SEMA5A: variants seen among roughly 807,000 people sequenced by gnomAD.
The protein encoded by SEMA5A is semaphorin 5A.
In SEMA5A, 55 loss-of-function variants were observed where a neutral mutation model predicts 135.5. The observed-to-expected ratio is 0.41, with a 90% CI of 0.33 to 0.51. SEMA5A has a LOEUF of 0.51. Among genes scored for constraint, SEMA5A ranks in the 20% least tolerant of loss-of-function variants. The probability of loss-of-function intolerance (pLI) is 0.37; values close to 1 mark genes in which losing one functional copy is unlikely to be tolerated. For synonymous variants in SEMA5A, 580 were observed against 546.5 expected (o/e 1.06, Z -0.85); for missense variants, 1,290 against 1,419.9 (o/e 0.91, Z 1.47).
intron 12 of SEMA5A, among the ~76,000 whole-genome samples, chr5:9,138,752 C>T (rs1159778719): frequency 6.6e-6 from 1 of 152,112 alleles, no homozygotes; most frequent in African/African-American, 2.4e-5. Context: ...TATCCCTCAC[C>T]CCCTTCCTAC....
At chr5:9,101,540 C>A (rs1164145147) in intron 16 of SEMA5A, among the ~76,000 whole-genome samples, 1 of 152,072 alleles carries the variant, frequency 6.6e-6, no homozygotes, top group Non-Finnish European at 1.5e-5. Context: ...TATAAAAATT[C>A]TGTATGTTTT....
chr5:9,147,795 A>C (rs944997458), intron 12 of SEMA5A, among the ~76,000 whole-genome samples: 3 of 151,498 alleles, frequency 2.0e-5, no homozygotes, highest in African/African-American at 4.8e-5. Context: ...TGATATTGCC[A>C]CATTTTTCTG....
intron 5 of SEMA5A, among the ~76,000 whole-genome samples, chr5:9,247,045 A>T (rs536135775): frequency 6.6e-6 from 1 of 152,306 alleles, no homozygotes; most frequent in Non-Finnish European, 1.5e-5. Context: ...AAGAAGTACC[A>T]ATCTTTTTAT....
At chr5:9,225,382 T>C (rs1436141302) in intron 7 of SEMA5A, among the ~76,000 whole-genome samples, 2 of 86,748 alleles carry the variant, frequency 2.3e-5, no homozygotes, top group South Asian at 4.9e-4. Context: ...TGAAACCCCA[T>C]CTCTACTAAA....
At chr5:9,495,032 T>G (rs1181077364) in intron 1 of SEMA5A, among the ~76,000 whole-genome samples, 1 of 152,204 alleles carries the variant, frequency 6.6e-6, no homozygotes, top group African/African-American at 2.4e-5. Context: ...AAAAGAATAT[T>G]TGTACCTATG....
intron 13 of SEMA5A, among the ~76,000 whole-genome samples, chr5:9,124,489 C>T (rs1740999071): frequency 6.6e-6 from 1 of 152,160 alleles, no homozygotes; most frequent in Admixed American, 6.5e-5. Flanking sequence ...TGGAGTCTCG[C>T]TCTGTTGCCC....
rs35642251 is a variant in SEMA5A, at chr5:9,479,385, G to GAA, written c.-174-41535_-174-41534dup. ...GGTAACCTAGTGTGACCATGTCTATGAAAAAAAAAAAAACTTAATAAAGAA... is the reference window on the plus strand; with the variant it reads ...GGTAACCTAGTGTGACCATGTCTATGAAAAAAAAAAAAAAACTTAATAAAGAA... On this transcript the variant is annotated intron_variant, in intron 1 of 22. Transcript: ENST00000382496. Among the ~76,000 whole-genome samples the GAA allele has an allele frequency of 1.6e-3, 234 of 145,908 alleles. 1 individual carries two copies. Among genetic ancestry groups the GAA allele is most frequent in the Admixed American group, 2.9e-3 (43 of 14,698 alleles).
intron 16 of SEMA5A, among the ~76,000 whole-genome samples, chr5:9,106,491 T>A (rs1739924847): frequency 6.6e-6 from 1 of 152,206 alleles, no homozygotes; most frequent in Admixed American, 6.5e-5. Context: ...TGATGTGGAC[T>A]GTTCTCTGAA....
chr5:9,172,020 G>A (rs547699103), intron 11 of SEMA5A, among the ~76,000 whole-genome samples: 1 of 152,160 alleles, frequency 6.6e-6, no homozygotes, highest in South Asian at 2.1e-4. Flanking sequence ...GGACAAAGAT[G>A]AGGTAGCATT....
intron 22 of SEMA5A, 188 bp from the exon 23 acceptor site, chr5:9,043,204 T>C (rs921168593): frequency 1.7e-5 from 9 of 535,442 alleles, no homozygotes; most frequent in African/African-American, 1.1e-4. Context: ...ATTACCAGAA[T>C]AAGGTTGGCA....
intron 1 of SEMA5A, among the ~76,000 whole-genome samples, chr5:9,450,570 C>T (rs1758605045): frequency 6.6e-6 from 1 of 152,118 alleles, no homozygotes; most frequent in Non-Finnish European, 1.5e-5. Flanking sequence ...ATCTCCCTTG[C>T]TGCTGCCTGT....
rs557010727 is a variant in SEMA5A at position 9,365,182 on chromosome 5, C to T, written c.124+14641G>A. Among the ~76,000 whole-genome samples the T allele has an allele frequency of 2.1e-4, 32 of 152,294 alleles. No individual in the cohort carries two copies. The South Asian group carries it at 6.0e-3, about 29-fold the overall frequency. On this transcript the variant is annotated intron_variant, in intron 3 of 22. Transcript: ENST00000382496. ...AGGAGAAAGCTAAACTACCGTAGTACGGATCTTCCTTGCTAACAGAACCTG... is the reference window on the plus strand; with the variant it reads ...AGGAGAAAGCTAAACTACCGTAGTATGGATCTTCCTTGCTAACAGAACCTG...
At chr5:9,285,988 T>C (rs1028166423) in intron 5 of SEMA5A, among the ~76,000 whole-genome samples, 2 of 152,252 alleles carry the variant, frequency 1.3e-5, no homozygotes, top group Admixed American at 1.3e-4. Flanking sequence ...TTGTATATGC[T>C]TGTATCAAAA....
At chr5:9,245,552 G>A (rs1748439719) in intron 5 of SEMA5A, among the ~76,000 whole-genome samples, 1 of 152,066 alleles carries the variant, frequency 6.6e-6, no homozygotes, top group Admixed American at 6.6e-5. Flanking sequence ...AAAATTAATA[G>A]TTATAAATAA....
intron 1 of SEMA5A, among the ~76,000 whole-genome samples, chr5:9,500,918 A>T (rs918720964): frequency 1.3e-5 from 2 of 152,176 alleles, no homozygotes; most frequent in Admixed American, 1.3e-4. Flanking sequence ...CTGTATGAGA[A>T]TCTTTCATCA....
At chr5:9,052,184 T>TAACA (rs1736623720) in intron 19 of SEMA5A, among the ~76,000 whole-genome samples, 156 bp from the exon 20 acceptor site, 1 of 152,220 alleles carries the variant, frequency 6.6e-6, no homozygotes, top group Non-Finnish European at 1.5e-5. Flanking sequence ...TTGTATCATC[T>TAACA]AACAGATCCA....
At chr5:9,435,634 G>A (rs1226499026) in intron 2 of SEMA5A, among the ~76,000 whole-genome samples, 1 of 152,170 alleles carries the variant, frequency 6.6e-6, no homozygotes, top group Non-Finnish European at 1.5e-5. Context: ...GTCTTCGGCA[G>A]TGCAAGGATC....
chr5:9,275,473 C>T (rs1201808805), intron 5 of SEMA5A, among the ~76,000 whole-genome samples: 2 of 152,176 alleles, frequency 1.3e-5, no homozygotes, highest in African/African-American at 4.8e-5. Context: ...TCCTCCCTAA[C>T]TCATTTCATG....
At chr5:9,415,581 C>T (rs1022774264) in intron 2 of SEMA5A, among the ~76,000 whole-genome samples, 1 of 152,114 alleles carries the variant, frequency 6.6e-6, no homozygotes, top group African/African-American at 2.4e-5. Context: ...ATTTTCTCAA[C>T]CTATTTTTTT....
Sources: gnomAD v4.1 joint callset for allele counts (sites outside exome capture counted in the v4.1 genomes callset) on GRCh38, gnomAD v4.1.1 for gene constraint, MANE v1.5 for transcripts, NCBI Gene and HGNC (gene_info 2026-07-23, HGNC 2026-07-21) for gene names.